GALNT13: variants seen among roughly 807,000 people sequenced by gnomAD.
GALNT13 encodes the protein polypeptide N-acetylgalactosaminyltransferase 13, also known as UDP-GalNAc:polypeptide N-acetylgalactosaminyltransferase 13.
Under a neutral mutation model 64.2 loss-of-function variants are expected in GALNT13, and 28 were observed. That is an observed-to-expected ratio of 0.44 (90% CI 0.32 to 0.60). The LOEUF is 0.60. GALNT13 is among the 20% of genes least tolerant of loss of function. The probability of loss-of-function intolerance (pLI) is 0.05; values close to 1 mark genes in which losing one functional copy is unlikely to be tolerated. For missense variants in GALNT13, 577 were observed against 669.8 expected (o/e 0.86, Z 1.53); for synonymous variants, 214 against 224.6 (o/e 0.95, Z 0.42).
chr2:153,366,214 G>A, the GALNT13 span, among the ~76,000 whole-genome samples: 1 of 152,090 alleles, frequency 6.6e-6, no homozygotes, highest in Admixed American at 6.6e-5. Flanking sequence ...GACACAGGGA[G>A]GGGAACAACA....
chr2:154,029,280 A>G (rs1393535289), intron 3 of GALNT13, among the ~76,000 whole-genome samples: 1 of 151,866 alleles, frequency 6.6e-6, no homozygotes, highest in Non-Finnish European at 1.5e-5. Flanking sequence ...ACTCCGAGAA[A>G]GGCAGGAATC....
At chr2:154,347,469 T>C (rs1003462160) in intron 9 of GALNT13, among the ~76,000 whole-genome samples, 1 of 152,174 alleles carries the variant, frequency 6.6e-6, no homozygotes, top group Non-Finnish European at 1.5e-5. Flanking sequence ...TTCTTTATTT[T>C]GTAAATTATC....
At chr2:153,936,230 A>C (rs1459399264) in intron 2 of GALNT13, among the ~76,000 whole-genome samples, 1 of 152,256 alleles carries the variant, frequency 6.6e-6, no homozygotes, top group Non-Finnish European at 1.5e-5. Context: ...AACTATTTGC[A>C]TAACACTCAC....
At chr2:153,440,721 A>G in the GALNT13 span, among the ~76,000 whole-genome samples, 4 of 151,992 alleles carry the variant, frequency 2.6e-5, no homozygotes, top group African/African-American at 9.7e-5. Context: ...GCTTTTTTTC[A>G]TATGTCTGTT....
the GALNT13 span, among the ~76,000 whole-genome samples, chr2:153,275,630 C>T: frequency 3.9e-4 from 26 of 67,472 alleles, no homozygotes; most frequent in Admixed American, 2.5e-3. Flanking sequence ...CTCTCTCTTT[C>T]TCTCTCATGA....
chr2:153,531,967 C>T, the GALNT13 span, among the ~76,000 whole-genome samples: 2 of 152,156 alleles, frequency 1.3e-5, no homozygotes, highest in Non-Finnish European at 2.9e-5. Flanking sequence ...CTCTCAAGGG[C>T]TGGCTTTGAG....
At chr2:154,114,411 T>G (rs1414281747) in intron 3 of GALNT13, among the ~76,000 whole-genome samples, 3 of 152,166 alleles carry the variant, frequency 2.0e-5, no homozygotes, top group African/African-American at 7.2e-5. Flanking sequence ...TCCACAAGTT[T>G]CTACTTTAAA....
chr2:153,362,827 T>C, the GALNT13 span, among the ~76,000 whole-genome samples: 2 of 151,908 alleles, frequency 1.3e-5, no homozygotes, highest in African/African-American at 4.8e-5. Context: ...GACGGATCAA[T>C]TAGACAAAAT....
intron 1 of GALNT13, among the ~76,000 whole-genome samples, chr2:153,874,561 G>A (rs10221718): frequency 0.21 from 31,529 of 151,922 alleles, 4,269 homozygotes; most frequent in Middle Eastern, 0.34. Context: ...TCTCAGATAT[G>A]TAGTCCCTAG....
At chr2:153,162,871 A>C in the GALNT13 span, among the ~76,000 whole-genome samples, 1 of 152,202 alleles carries the variant, frequency 6.6e-6, no homozygotes, top group South Asian at 2.1e-4. Flanking sequence ...TTAGTGACTT[A>C]GAGTATGCTG....
chr2:154,035,649 T>C (rs1294647602), intron 3 of GALNT13, among the ~76,000 whole-genome samples: 1 of 152,112 alleles, frequency 6.6e-6, no homozygotes, highest in Admixed American at 6.5e-5. Flanking sequence ...CACTTTGTTA[T>C]TTATTGATGC....
chr2:153,382,519 G>A, the GALNT13 span, among the ~76,000 whole-genome samples: 1 of 151,950 alleles, frequency 6.6e-6, no homozygotes, highest in Non-Finnish European at 1.5e-5. Context: ...CTTTTTTATG[G>A]CTGTGTAGTA....
chr2:153,712,715 A>G, the GALNT13 span, among the ~76,000 whole-genome samples: 1 of 152,154 alleles, frequency 6.6e-6, no homozygotes. Context: ...CGACATGGAA[A>G]TGATCTTTTT....
chr2:154,035,264 C>A (rs1289779213), intron 3 of GALNT13, among the ~76,000 whole-genome samples: 3 of 151,990 alleles, frequency 2.0e-5, no homozygotes, highest in African/African-American at 7.2e-5. Context: ...TATTAGTAAG[C>A]ATTTTACATT....
chr2:153,533,966 G>A, the GALNT13 span, among the ~76,000 whole-genome samples: 2 of 150,740 alleles, frequency 1.3e-5, no homozygotes, highest in South Asian at 2.1e-4. Flanking sequence ...TCGAACTCCT[G>A]GGCTCAAGCT....
At chr2:153,784,964 G>C in the GALNT13 span, among the ~76,000 whole-genome samples, 1 of 152,210 alleles carries the variant, frequency 6.6e-6, no homozygotes, top group Non-Finnish European at 1.5e-5. Context: ...TCTGTGGAGA[G>C]ATGGCCAGAC....
chr2:153,675,619 C>T, the GALNT13 span, among the ~76,000 whole-genome samples: 4 of 151,986 alleles, frequency 2.6e-5, no homozygotes, highest in African/African-American at 9.7e-5. Flanking sequence ...GTGCAGCAAA[C>T]CAACATGGCA....
At chr2:154,264,663 G>C (rs977252833) in intron 8 of GALNT13, among the ~76,000 whole-genome samples, 2 of 150,986 alleles carry the variant, frequency 1.3e-5, no homozygotes, top group African/African-American at 4.9e-5. Context: ...AAAACCCACA[G>C]ATTAAAGAAC....
At chr2:153,710,993 A>G in the GALNT13 span, among the ~76,000 whole-genome samples, 1 of 152,100 alleles carries the variant, frequency 6.6e-6, no homozygotes, top group African/African-American at 2.4e-5. Context: ...GTTTTTAAAA[A>G]TATAAGCAAA....
Sources: allele counts gnomAD v4.1 joint callset (sites outside exome capture counted in the v4.1 genomes callset), GRCh38; gene constraint gnomAD v4.1.1; transcripts MANE v1.5; gene names NCBI Gene and HGNC (gene_info 2026-07-23, HGNC 2026-07-21).